Variants in ATP8A2 observed in about 807,000 individuals in gnomAD.
ATP8A2 encodes the protein phospholipid-transporting ATPase IB.
In ATP8A2, 100 loss-of-function variants were observed where a neutral mutation model predicts 165.6. That is an observed-to-expected ratio of 0.60 (90% CI 0.51 to 0.71). The LOEUF is 0.71. Ranked by LOEUF, ATP8A2 falls within the 30% of genes least tolerant of loss-of-function variation. The pLI, the probability that ATP8A2 is intolerant of heterozygous loss-of-function variation, is 0.00. For missense variants in ATP8A2, 1,227 were observed against 1,479.5 expected (o/e 0.83, Z 2.80); for synonymous variants, 543 against 548.8 (o/e 0.99, Z 0.15).
chr13:25,972,543 T>C (rs1331845959), intron 35 of ATP8A2, among the ~76,000 whole-genome samples: 1 of 152,212 alleles, frequency 6.6e-6, no homozygotes, highest in Non-Finnish European at 1.5e-5. Flanking sequence ...ACTGGACACG[T>C]GTGACTGTTG....
intron 24 of ATP8A2, among the ~76,000 whole-genome samples, chr13:25,651,914 C>G (rs1430110998): frequency 4.0e-5 from 6 of 151,628 alleles, no homozygotes. Flanking sequence ...TACTTTTGTA[C>G]TTAGAATCAT....
At chr13:25,605,244 C>T (rs1349786618) in intron 24 of ATP8A2, among the ~76,000 whole-genome samples, 1 of 152,080 alleles carries the variant, frequency 6.6e-6, no homozygotes, top group African/African-American at 2.4e-5. Context: ...TAGACCTGGA[C>T]ATGTTTTATT....
At chr13:26,006,199 T>C (rs1425443634) in intron 35 of ATP8A2, among the ~76,000 whole-genome samples, 3 of 152,038 alleles carry the variant, frequency 2.0e-5, no homozygotes, top group African/African-American at 7.2e-5. Flanking sequence ...TTCAGAAGTG[T>C]TTTATAGTTT....
intron 33 of ATP8A2, among the ~76,000 whole-genome samples, chr13:25,932,991 T>C (rs747009661): frequency 2.6e-5 from 4 of 152,116 alleles, no homozygotes; most frequent in Non-Finnish European, 5.9e-5. Context: ...GGAGTACAGG[T>C]GCATGCCACC....
chr13:25,841,128 C>G (rs1951740183), intron 30 of ATP8A2, among the ~76,000 whole-genome samples: 1 of 152,162 alleles, frequency 6.6e-6, no homozygotes, highest in South Asian at 2.1e-4. Flanking sequence ...TCAGTTGGTG[C>G]CTTGTGGTTT....
At chr13:26,013,070 G>A (rs1380321404) in intron 36 of ATP8A2, among the ~76,000 whole-genome samples, 5 of 116,296 alleles carry the variant, frequency 4.3e-5, no homozygotes, top group African/African-American at 1.6e-4. Context: ...TGCCACCCCC[G>A]CCCCCACCTC....
intron 23 of ATP8A2, among the ~76,000 whole-genome samples, chr13:25,587,691 A>G (rs1217542544): frequency 6.6e-6 from 1 of 152,210 alleles, no homozygotes; most frequent in Non-Finnish European, 1.5e-5. Flanking sequence ...TAAATCTAAC[A>G]TAGAGGGAAA....
chr13:25,942,456 C>T (rs1304874296), intron 33 of ATP8A2, among the ~76,000 whole-genome samples: 1 of 152,096 alleles, frequency 6.6e-6, no homozygotes, highest in African/African-American at 2.4e-5. Context: ...AAGTCTCGCT[C>T]TTGTACCCTA....
intron 2 of ATP8A2, among the ~76,000 whole-genome samples, chr13:25,498,112 C>A (rs955053150): frequency 1.3e-5 from 2 of 152,140 alleles, no homozygotes; most frequent in African/African-American, 4.8e-5. Context: ...TTTGGGCACC[C>A]AATACGGGGC....
rs1419301546 is a variant in ATP8A2, at chr13:25,527,452, C to T, written c.222-2547C>T. 3.3e-5 allele frequency among the ~76,000 whole-genome samples: 5 copies of T among 152,254 alleles called. No homozygotes were observed. The East Asian group carries it at 7.7e-4, about 24-fold the overall frequency. On this transcript the variant is annotated intron_variant, in intron 2 of 36. Transcript: ENST00000381655. ...TACCATCCTGCAATATTCTGGTAGACTCATTTTGATAGGTGCTGCCTTTAG... is the reference window on the plus strand; with the variant it reads ...TACCATCCTGCAATATTCTGGTAGATTCATTTTGATAGGTGCTGCCTTTAG...
chr13:25,664,834 C>T (rs527720386), intron 24 of ATP8A2, among the ~76,000 whole-genome samples: 9 of 152,036 alleles, frequency 5.9e-5, no homozygotes, highest in South Asian at 4.2e-4. Context: ...TTTTTCCTTG[C>T]GGTAACATGG....
At chr13:25,716,388 A>G (rs1288322171) in intron 25 of ATP8A2, among the ~76,000 whole-genome samples, 4 of 152,198 alleles carry the variant, frequency 2.6e-5, no homozygotes, top group South Asian at 4.1e-4. Context: ...CTAAGAAGCC[A>G]TTGTCTAATC....
At chr13:25,700,244 C>T (rs907053120) in intron 25 of ATP8A2, among the ~76,000 whole-genome samples, 1 of 152,184 alleles carries the variant, frequency 6.6e-6, no homozygotes, top group Non-Finnish European at 1.5e-5. Context: ...GCCTCCTTCT[C>T]TTTTCCTCGA....
At chr13:25,712,596 A>T (rs1171278718) in intron 25 of ATP8A2, among the ~76,000 whole-genome samples, 1 of 152,202 alleles carries the variant, frequency 6.6e-6, no homozygotes, top group African/African-American at 2.4e-5. Flanking sequence ...CTGAAACCAT[A>T]AGGGACTAGA....
intron 24 of ATP8A2, among the ~76,000 whole-genome samples, chr13:25,668,232 CT>C (rs1167268311): frequency 6.6e-6 from 1 of 152,142 alleles, no homozygotes; most frequent in Non-Finnish European, 1.5e-5. Context: ...GGCCTAGCTC[CT>C]TTAGCTACTG....
At chr13:25,549,651 T>C (rs2038759398) in intron 10 of ATP8A2, among the ~76,000 whole-genome samples, 1 of 152,062 alleles carries the variant, frequency 6.6e-6, no homozygotes, top group African/African-American at 2.4e-5. Context: ...CCCAACCTGC[T>C]GTTATTACTG....
chr13:25,991,781 T>A (rs372780737), intron 35 of ATP8A2, among the ~76,000 whole-genome samples: 12 of 152,250 alleles, frequency 7.9e-5, no homozygotes, highest in African/African-American at 2.9e-4. Context: ...TTTGCTCTTA[T>A]ACATAAAACT....
At chr13:25,620,658 A>G (rs1323066092) in intron 24 of ATP8A2, among the ~76,000 whole-genome samples, 1 of 152,196 alleles carries the variant, frequency 6.6e-6, no homozygotes, top group Admixed American at 6.5e-5. Flanking sequence ...AGAGTGTGAA[A>G]TAGATATGTT....
chr13:26,009,662 G>A (rs1331462521), intron 35 of ATP8A2, among the ~76,000 whole-genome samples: 4 of 152,170 alleles, frequency 2.6e-5, no homozygotes, highest in Non-Finnish European at 5.9e-5. Context: ...TGGCAGGCCT[G>A]GGCCATGGGA....
Sources: gnomAD v4.1 joint callset for allele counts (sites outside exome capture counted in the v4.1 genomes callset) on GRCh38, gnomAD v4.1.1 for gene constraint, MANE v1.5 for transcripts, NCBI Gene and HGNC (gene_info 2026-07-23, HGNC 2026-07-21) for gene names.